The following MTUS2 variants were observed in gnomAD, a reference collection of about 807,000 sequenced individuals.
The protein encoded by MTUS2 is microtubule associated scaffold protein 2.
In MTUS2, 40 loss-of-function variants were observed where a neutral mutation model predicts 114.1. The ratio of observed to expected loss-of-function variants is 0.35; its 90% CI spans 0.27 to 0.46. The LOEUF is 0.46. Ranked by LOEUF, MTUS2 falls within the 20% of genes least tolerant of loss-of-function variation. MTUS2 has a pLI of 1.00. For synonymous variants in MTUS2, 688 were observed against 672.0 expected (o/e 1.02, Z -0.37); for missense variants, 1,679 against 1,705.4 (o/e 0.98, Z 0.27).
chr13:29,212,852 G>T (rs1399352041), intron 5 of MTUS2, among the ~76,000 whole-genome samples: 1 of 152,036 alleles, frequency 6.6e-6, no homozygotes, highest in Non-Finnish European at 1.5e-5. Flanking sequence ...TTTTTATAAG[G>T]CTCCGTCACA....
At chr13:29,278,273 A>G (rs1317910816) in intron 5 of MTUS2, among the ~76,000 whole-genome samples, 1 of 152,228 alleles carries the variant, frequency 6.6e-6, no homozygotes, top group African/African-American at 2.4e-5. Flanking sequence ...CAGGCAAAGT[A>G]CAAATCAGGA....
chr13:28,824,666 G>A (rs1249088911), intron 1 of MTUS2, among the ~76,000 whole-genome samples: 1 of 150,280 alleles, frequency 6.7e-6, no homozygotes, highest in Non-Finnish European at 1.5e-5. Context: ...CCAGTGTCTA[G>A]CTTTTTTTTT....
intron 5 of MTUS2, among the ~76,000 whole-genome samples, chr13:29,131,267 A>G (rs1891750638): frequency 6.6e-6 from 1 of 152,264 alleles, no homozygotes; most frequent in Non-Finnish European, 1.5e-5. Flanking sequence ...TTTGTAGTTA[A>G]GAGAAGCTGA....
rs1190037229 is a variant in MTUS2, at chr13:29,362,860, C to A, written c.3117+3387C>A. On this transcript the variant is annotated intron_variant, in intron 8 of 15. Coordinates refer to ENST00000612955, the MANE Select transcript of MTUS2 (RefSeq NM_001033602.4). ...CCCAGATAAGAATCTCCCTTTTCTG[C>A]CCCATGCTTTATAGCTCCTGGCAGA... 2.0e-5 allele frequency among the ~76,000 whole-genome samples: 3 copies of A among 152,158 alleles called. No individual in the cohort carries two copies. In the East Asian group the frequency reaches 5.8e-4, roughly 29 times the overall value.
intron 8 of MTUS2, among the ~76,000 whole-genome samples, chr13:29,431,603 A>G (rs1876992751): frequency 6.6e-6 from 1 of 152,218 alleles, no homozygotes; most frequent in East Asian, 1.9e-4. Flanking sequence ...ACCATAGGCA[A>G]GGTTTCTTGG....
At chr13:29,476,790 T>C (rs540309686) in intron 9 of MTUS2, 25 of 152,364 alleles carry the variant, frequency 1.6e-4, no homozygotes, top group African/African-American at 5.8e-4. Context: ...AGTGACAGTT[T>C]CCTTATACTC....
At chr13:29,311,470 A>G (rs1054082916) in intron 6 of MTUS2, among the ~76,000 whole-genome samples, 4 of 152,256 alleles carry the variant, frequency 2.6e-5, no homozygotes, top group African/African-American at 9.6e-5. Context: ...ATGAATATGT[A>G]TAATTTGGTT....
intron 6 of MTUS2, among the ~76,000 whole-genome samples, chr13:29,317,285 T>A (rs1298664644): frequency 2.6e-5 from 4 of 152,178 alleles, no homozygotes; most frequent in African/African-American, 9.7e-5. Flanking sequence ...ATTCAGATTG[T>A]TTCTCCTATT....
At chr13:29,041,479 G>T (rs1294980863) in intron 4 of MTUS2, among the ~76,000 whole-genome samples, 1 of 152,124 alleles carries the variant, frequency 6.6e-6, no homozygotes, top group South Asian at 2.1e-4. Flanking sequence ...GTTCTGTGAA[G>T]AATGATGGTG....
intron 5 of MTUS2, among the ~76,000 whole-genome samples, chr13:29,253,245 G>T (rs1167160562): frequency 6.6e-6 from 1 of 151,886 alleles, no homozygotes; most frequent in Non-Finnish European, 1.5e-5. Flanking sequence ...GACCAACATG[G>T]TGAAACCCTG....
At chr13:29,361,910 G>C (rs1026320971) in intron 8 of MTUS2, among the ~76,000 whole-genome samples, 1 of 152,166 alleles carries the variant, frequency 6.6e-6, no homozygotes, top group African/African-American at 2.4e-5. Context: ...AGCATGCTCT[G>C]GTGGAGAGAG....
At chr13:29,309,622 G>A (rs991631133) in intron 6 of MTUS2, among the ~76,000 whole-genome samples, 2 of 150,972 alleles carry the variant, frequency 1.3e-5, no homozygotes, top group African/African-American at 4.9e-5. Flanking sequence ...CATTTGTTGT[G>A]TAAAAAAATT....
intron 5 of MTUS2, among the ~76,000 whole-genome samples, chr13:29,115,071 C>T (rs1426236586): frequency 1.3e-5 from 2 of 152,134 alleles, no homozygotes; most frequent in East Asian, 3.8e-4. Flanking sequence ...GAGAAATGTA[C>T]AGGATAAATG....
At chr13:29,340,283 T>C (rs1026618434) in intron 7 of MTUS2, among the ~76,000 whole-genome samples, 1 of 152,214 alleles carries the variant, frequency 6.6e-6, no homozygotes, top group Non-Finnish European at 1.5e-5. Flanking sequence ...CCTCTACTTT[T>C]GTGCCTGACC....
chr13:28,865,972 A>G (rs1039087098), intron 2 of MTUS2, among the ~76,000 whole-genome samples: 4 of 152,190 alleles, frequency 2.6e-5, no homozygotes, highest in African/African-American at 7.2e-5. Flanking sequence ...TTGGATTTCT[A>G]CTTTTCTTCA....
At chr13:29,132,162 A>G (rs994579467) in intron 5 of MTUS2, among the ~76,000 whole-genome samples, 4 of 152,346 alleles carry the variant, frequency 2.6e-5, no homozygotes, top group Middle Eastern at 3.4e-3. Flanking sequence ...ATATACACAT[A>G]CATATACTTT....
At chr13:28,854,127 G>T (rs1356004088) in intron 2 of MTUS2, among the ~76,000 whole-genome samples, 2 of 152,088 alleles carry the variant, frequency 1.3e-5, no homozygotes, top group African/African-American at 2.4e-5. Flanking sequence ...GGAACCTTTC[G>T]GAGATGCAGA....
chr13:29,224,134 C>T (rs1003954580), intron 5 of MTUS2, among the ~76,000 whole-genome samples: 4 of 152,158 alleles, frequency 2.6e-5, no homozygotes, highest in African/African-American at 4.8e-5. Flanking sequence ...GTGGGTGGAA[C>T]GAGCCCAGTG....
chr13:28,891,185 A>G (rs556355204), intron 2 of MTUS2, among the ~76,000 whole-genome samples: 6 of 152,348 alleles, frequency 3.9e-5, no homozygotes, highest in Non-Finnish European at 7.3e-5. Flanking sequence ...CGTAAATGCT[A>G]TGAGCACCTG....
Sources: allele counts gnomAD v4.1 joint callset (sites outside exome capture counted in the v4.1 genomes callset), GRCh38; gene constraint gnomAD v4.1.1; transcripts MANE v1.5; gene names NCBI Gene and HGNC (gene_info 2026-07-23, HGNC 2026-07-21).